Variants in TPM1 observed in about 807,000 individuals in gnomAD.
The protein encoded by TPM1 is tropomyosin 1.
TPM1 carries 24 observed loss-of-function variants against 42.9 expected under a neutral mutation model. The observed-to-expected ratio is 0.56, with a 90% CI of 0.41 to 0.79. The LOEUF is 0.79. Among genes scored for constraint, TPM1 ranks in the 30% least tolerant of loss-of-function variants. The pLI, the probability that TPM1 is intolerant of heterozygous loss-of-function variation, is 0.00. For synonymous variants in TPM1, 136 were observed against 130.1 expected (o/e 1.05, Z -0.31); for missense variants, 158 against 351.8 (o/e 0.45, Z 4.41).
At chr15:63,048,168 C>T (rs1444207266) in intron 2 of TPM1, 1 of 450,022 alleles carries the variant, frequency 2.2e-6, no homozygotes, top group Non-Finnish European at 4.4e-6. Flanking sequence ...TAGCAGCCAG[C>T]TCCGTTACCC....
downstream of TPM1, among the ~76,000 whole-genome samples, chr15:63,067,001 A>T (rs913840185): frequency 4.6e-5 from 7 of 152,134 alleles, no homozygotes; most frequent in Non-Finnish European, 2.9e-5. Context: ...TGATTTTTTT[A>T]AAAAAATACA....
In TPM1 at chr15:63,044,746, T is replaced by C. The variant is rs1432926376; in HGVS notation, c.240+594T>C. The C allele has an allele frequency of 2.3e-5, 4 of 173,272 alleles. No homozygotes were observed. The East Asian group carries it at 5.7e-4, about 25-fold the overall frequency. The allele number at this position is 173,272 out of a possible 1,614,324, so 10.7% of individuals were successfully genotyped here. A position where few individuals can be genotyped will look rare whatever the true frequency, so the allele number is the denominator to read the frequency against. ...ATCTGCCTGGGAAGATGATACTTGC[T>C]TGGGTCTGCAGTCTGAAGGCACTAG... On this transcript the variant is annotated intron_variant, in intron 2 of 9. Transcript: ENST00000403994.
rs1460142862 is a variant in TPM1 at position 63,059,626 on chromosome 15, C to T, written c.438C>T (p.Ile146=). Residue 146 remains isoleucine (I), a synonymous_variant, in exon 4 of 10, where the codon ATC becomes ATT. Coordinates refer to ENST00000403994, the MANE Select transcript of TPM1 (RefSeq NM_001018005.2). ...AAGAAAAAATGGAAATTCAGGAGATCCAACTGAAAGAGGCCAAGCACATTG... is the reference window on the plus strand; with the variant it reads ...AAGAAAAAATGGAAATTCAGGAGATTCAACTGAAAGAGGCCAAGCACATTG... ...KDEEKMEIQE[I]QLKEAKHIAE... is the part of the protein sequence containing the mutation. 1.9e-6 allele frequency: 3 copies of T among 1,612,356 alleles called. No homozygotes were observed. Among genetic ancestry groups the T allele is most frequent in the Non-Finnish European group, 1.7e-6 (2 of 1,179,064 alleles).
At chr15:63,052,270 C>G (rs2140834745) in intron 2 of TPM1, among the ~76,000 whole-genome samples, 1 of 152,292 alleles carries the variant, frequency 6.6e-6, no homozygotes, top group African/African-American at 2.4e-5. Flanking sequence ...TGCCTGTAAT[C>G]CCAACACTTT....
chr15:63,049,225 C>A, intron 2 of TPM1: 1 of 186,006 alleles, frequency 5.4e-6, no homozygotes, highest in Non-Finnish European at 1.1e-5. Context: ...GCCTGTGTCT[C>A]CGAGGCGGTA....
intron 2 of TPM1, among the ~76,000 whole-genome samples, chr15:63,053,375 C>T (rs1332034457): frequency 6.6e-6 from 1 of 152,030 alleles, no homozygotes; most frequent in Non-Finnish European, 1.5e-5. Flanking sequence ...CTGCCAGTTC[C>T]AAGGTTTCCG....
intron 9 of TPM1, chr15:63,065,087 A>G (rs142820307): frequency 0.013 from 12,698 of 985,426 alleles, 103 homozygotes; most frequent in Non-Finnish European, 0.014. Flanking sequence ...ACCTGTGTCA[A>G]ATAAATGGGA....
chr15:63,062,022 T>C, intron 6 of TPM1, 193 bp from the exon 7 acceptor site: 1 of 684,176 alleles, frequency 1.5e-6, no homozygotes, highest in Non-Finnish European at 2.6e-6. Context: ...TAAGTTATCT[T>C]GTTGTTATCC....
intron 2 of TPM1, among the ~76,000 whole-genome samples, chr15:63,050,090 G>A (rs1459914826): frequency 3.9e-5 from 6 of 152,174 alleles, no homozygotes; most frequent in African/African-American, 1.4e-4. Context: ...TCTACCTGTC[G>A]GTTAAAGGAG....
chr15:63,048,568 C>G (rs1345106309), intron 2 of TPM1: 1 of 1,524,162 alleles, frequency 6.6e-7, no homozygotes, highest in Non-Finnish European at 8.8e-7. Flanking sequence ...CGCCTACCGT[C>G]CGGCGCGATG....
chr15:63,062,966 C>T, intron 8 of TPM1: 1 of 1,400,736 alleles, frequency 7.1e-7, no homozygotes, highest in South Asian at 1.8e-5. Context: ...TATTTTATAT[C>T]TTTAGTGTTA....
chr15:63,043,692 G>T lies in TPM1; in HGVS notation c.115-335G>T, dbSNP rs587780971. 72 of 1,543,098 alleles carry T rather than the reference G, an allele frequency of 4.7e-5. No individual in the cohort carries two copies. The highest frequency in any genetic ancestry group is 6.0e-5 in the South Asian group (5 of 83,926). ...CCGTGCCGGCCGCCCGCGCCCGCCCGCCGCTGCCCCCAGCTCGAGGAGGAC... is the reference window on the plus strand; with the variant it reads ...CCGTGCCGGCCGCCCGCGCCCGCCCTCCGCTGCCCCCAGCTCGAGGAGGAC... On this transcript the variant is annotated intron_variant, in intron 1 of 9. Coordinates refer to ENST00000403994, the MANE Select transcript of TPM1 (RefSeq NM_001018005.2).
At chr15:63,057,489 A>G (rs1356360470) in intron 3 of TPM1, among the ~76,000 whole-genome samples, 1 of 152,246 alleles carries the variant, frequency 6.6e-6, no homozygotes, top group Admixed American at 6.5e-5. Flanking sequence ...ACTTTATTTT[A>G]TAATATACAA....
At chr15:63,065,516 A>G (rs187205076) in intron 9 of TPM1, 10 of 985,342 alleles carry the variant, frequency 1.0e-5, no homozygotes, top group East Asian at 2.3e-4. Flanking sequence ...CTCATCCCTC[A>G]TTTGTAAATG....
In TPM1 at chr15:63,071,218, G is replaced by T. The variant is rs763552071; in HGVS notation, c.*46G>T. On this transcript the variant is annotated 3_prime_UTR_variant, in exon 9 of 9. Coordinates refer to the TPM1 transcript ENST00000267996. Reference sequence around the variant, plus strand: ...ACATTCTTTCGTTTTGTTTTGTTTTGTTTTTAAACACCTGCTTACCCCTTA... The same window carrying T: ...ACATTCTTTCGTTTTGTTTTGTTTTTTTTTTAAACACCTGCTTACCCCTTA... The T allele has an allele frequency of 6.9e-6, 11 of 1,596,014 alleles. No individual in the cohort carries two copies. In the East Asian group the frequency reaches 2.5e-4, roughly 36 times the overall value.
chr15:63,059,660 G>A lies in TPM1; in HGVS notation c.472G>A (p.Ala158Thr). ...LKEAKHIAEDADRKYEEVARK... is the reference protein window; with the variant it reads ...LKEAKHIAEDTDRKYEEVARK... ...AGAGGCCAAGCACATTGCTGAAGAT[G>A]CCGACCGCAAATATGAAGAGGTCAG... Residue 158 changes from alanine (A) to threonine (T), a missense_variant, in exon 4 of 10, where the codon GCC becomes ACC. Physicochemically the swap from Ala to Thr is moderately conservative, Grantham distance 58. Coordinates refer to ENST00000403994, the MANE Select transcript of TPM1 (RefSeq NM_001018005.2). 6.2e-7 allele frequency: 1 copy of A among 1,610,502 alleles called. No homozygotes were observed. Among genetic ancestry groups the A allele is most frequent in the Non-Finnish European group, 8.5e-7 (1 of 1,177,658 alleles).
chr15:63,057,114 G>C lies in TPM1; in HGVS notation c.370G>C (p.Glu124Gln). 1 of 1,614,186 alleles carries C rather than the reference G, an allele frequency of 6.2e-7. No individual in the cohort carries two copies. The highest frequency in any genetic ancestry group is 8.5e-7 in the Non-Finnish European group (1 of 1,180,022). Reference sequence around the variant, plus strand: ...AGCTGAGAAGGCAGCAGATGAGAGTGAGAGGTGAGAATGCCTCATCAGCCA... The same window carrying C: ...AGCTGAGAAGGCAGCAGATGAGAGTCAGAGGTGAGAATGCCTCATCAGCCA... ...EEAEKAADESERGMKVIESRA... is the reference protein window; with the variant it reads ...EEAEKAADESQRGMKVIESRA... The change falls in exon 3 of 10, where the codon GAG (glutamate) becomes CAG (glutamine). Residue 124 changes from glutamate (E) to glutamine (Q), a missense_variant. By Grantham distance (29) the Glu-to-Gln change is conservative. This residue lies in a region of TPM1 where 65 missense variants were observed against 208.8 expected (regional missense o/e 0.31). Coordinates refer to ENST00000403994, the MANE Select transcript of TPM1 (RefSeq NM_001018005.2).
chr15:63,043,218 A>C (rs1458756019), intron 1 of TPM1: 2 of 518,698 alleles, frequency 3.9e-6, no homozygotes, highest in African/African-American at 1.9e-5. Context: ...AGGACTGGGA[A>C]TCAGTTTGGG....
intron 2 of TPM1, chr15:63,047,908 G>T (rs918280233): frequency 9.0e-6 from 2 of 222,274 alleles, no homozygotes; most frequent in Non-Finnish European, 1.8e-5. Flanking sequence ...CTAGGAGCCA[G>T]AGTCAACCTA....
Sources: allele counts gnomAD v4.1 joint callset (sites outside exome capture counted in the v4.1 genomes callset), GRCh38; gene constraint gnomAD v4.1.1; regional missense constraint gnomAD v4.1.1; transcripts MANE v1.5; gene names NCBI Gene and HGNC (gene_info 2026-07-23, HGNC 2026-07-21).